Variants in LYPLAL1 observed in about 807,000 individuals in gnomAD.
LYPLAL1 encodes the protein lysophospholipase like 1, also known as lysophospholipase-like protein 1.
In LYPLAL1, 23 loss-of-function variants were observed where a neutral mutation model predicts 19.7. The observed-to-expected ratio is 1.17, with a 90% confidence interval of 0.84 to 1.65. The LOEUF is 1.65. Ranked by LOEUF, LYPLAL1 falls within the 40% of genes most tolerant of loss-of-function variation. LYPLAL1 has a pLI of 0.00. For missense variants in LYPLAL1, 355 were observed against 279.4 expected, an observed-to-expected ratio of 1.27 and a Z score of -1.93; for synonymous variants, 119 against 96.3, an observed-to-expected ratio of 1.24 and a Z score of -1.38.
chr1:219,193,059 G>GC (rs780717166), intron 2 of LYPLAL1, 23 bp from the exon 3 acceptor site: 28 of 1,328,358 alleles, frequency 2.1e-5, no homozygotes, highest in African/African-American at 1.7e-4. Context: ...CTTTTTTTTT[G>GC]GGGGGGGGCG....
chr1:219,187,864 T>C (rs1043112347), intron 2 of LYPLAL1, among the ~76,000 whole-genome samples: 1 of 151,808 alleles, frequency 6.6e-6, no homozygotes, highest in Non-Finnish European at 1.5e-5. Context: ...TAAAAACAGC[T>C]ATTTTGAAGA....
At chr1:219,250,930 T>A in the LYPLAL1 span, among the ~76,000 whole-genome samples, 2 of 152,034 alleles carry the variant, frequency 1.3e-5, no homozygotes, top group Non-Finnish European at 1.5e-5. Flanking sequence ...CAACAGTGTA[T>A]AAGTGTTGCC....
intron 3 of LYPLAL1, among the ~76,000 whole-genome samples, chr1:219,196,640 T>A (rs746135113): frequency 6.6e-6 from 1 of 152,176 alleles, no homozygotes; most frequent in South Asian, 2.1e-4. Context: ...TTGGGAGTTC[T>A]GGCTGGGGCA....
chr1:219,193,717 C>G (rs183296151), intron 3 of LYPLAL1, among the ~76,000 whole-genome samples: 3 of 151,866 alleles, frequency 2.0e-5, no homozygotes, highest in Admixed American at 6.6e-5. Flanking sequence ...AGCCCTGTTC[C>G]TAAGGGAATA....
intron 3 of LYPLAL1, among the ~76,000 whole-genome samples, chr1:219,209,734 G>A (rs913067771): frequency 7.2e-5 from 11 of 151,934 alleles, no homozygotes; most frequent in African/African-American, 9.7e-5. Context: ...CTGACTTGTC[G>A]TCAGGCCTGG....
At chr1:219,415,038 T>A in the LYPLAL1 span, among the ~76,000 whole-genome samples, 1 of 152,148 alleles carries the variant, frequency 6.6e-6, no homozygotes, top group Non-Finnish European at 1.5e-5. Context: ...AATGGAAAGA[T>A]GTCCAAAGTA....
At chr1:219,214,085 T>G (rs1158435650), downstream of LYPLAL1, among the ~76,000 whole-genome samples, 1 of 152,134 alleles carries the variant, frequency 6.6e-6, no homozygotes, top group African/African-American at 2.4e-5. Flanking sequence ...TTTCTGAGAG[T>G]TATTACGATG....
At chr1:219,188,857 G>A (rs567347228) in intron 2 of LYPLAL1, among the ~76,000 whole-genome samples, 11 of 151,768 alleles carry the variant, frequency 7.2e-5, no homozygotes, top group African/African-American at 2.7e-4. Context: ...TTTATTTGAG[G>A]AAGAAGGTGA....
At chr1:219,210,262 C>T (rs1206231344) in intron 3 of LYPLAL1, 12 of 195,816 alleles carry the variant, frequency 6.1e-5, no homozygotes, top group East Asian at 2.4e-4. Context: ...TTTTGAATTA[C>T]GATAGATATT....
At chr1:219,270,030 C>T in the LYPLAL1 span, among the ~76,000 whole-genome samples, 1 of 152,200 alleles carries the variant, frequency 6.6e-6, no homozygotes, top group Non-Finnish European at 1.5e-5. Context: ...TTCTCTAAAT[C>T]TCAAGCTTAG....
chr1:219,382,082 A>G, the LYPLAL1 span, among the ~76,000 whole-genome samples: 1 of 152,192 alleles, frequency 6.6e-6, no homozygotes, highest in Non-Finnish European at 1.5e-5. Flanking sequence ...CCTATTGTCC[A>G]GGGTGTGTTG....
chr1:219,317,339 C>T, the LYPLAL1 span, among the ~76,000 whole-genome samples: 9 of 152,138 alleles, frequency 5.9e-5, no homozygotes, highest in Non-Finnish European at 1.3e-4. Context: ...ATATTCCATT[C>T]ACAGGAACTA....
chr1:219,337,239 A>T, the LYPLAL1 span, among the ~76,000 whole-genome samples: 1 of 152,024 alleles, frequency 6.6e-6, no homozygotes. Context: ...CCTTTTACAT[A>T]CAAGATAACT....
At chr1:219,232,711 C>A in the LYPLAL1 span, among the ~76,000 whole-genome samples, 13 of 152,092 alleles carry the variant, frequency 8.5e-5, no homozygotes, top group African/African-American at 2.9e-4. Flanking sequence ...CCCAGTTAAA[C>A]AATTGGCAAA....
At chr1:219,429,896 A>C in the LYPLAL1 span, among the ~76,000 whole-genome samples, 1 of 152,176 alleles carries the variant, frequency 6.6e-6, no homozygotes, top group Non-Finnish European at 1.5e-5. Context: ...TGCACTTGGA[A>C]GCACAGATCC....
At chr1:219,178,507 C>T (rs1433533760) in intron 1 of LYPLAL1, among the ~76,000 whole-genome samples, 2 of 152,156 alleles carry the variant, frequency 1.3e-5, no homozygotes, top group African/African-American at 4.8e-5. Flanking sequence ...CTCAGGACTC[C>T]ATAAGATGGA....
At chr1:219,425,819 C>A in the LYPLAL1 span, among the ~76,000 whole-genome samples, 1 of 152,090 alleles carries the variant, frequency 6.6e-6, no homozygotes, top group Non-Finnish European at 1.5e-5. Flanking sequence ...TATGTCATTA[C>A]GCTTGAGCTA....
the LYPLAL1 span, among the ~76,000 whole-genome samples, chr1:219,427,162 A>C: frequency 6.6e-6 from 1 of 152,204 alleles, no homozygotes; most frequent in Non-Finnish European, 1.5e-5. Flanking sequence ...TTAGTAAAAA[A>C]TCTTCATCAA....
chr1:219,323,381 T>C, the LYPLAL1 span, among the ~76,000 whole-genome samples: 1 of 152,192 alleles, frequency 6.6e-6, no homozygotes, highest in Non-Finnish European at 1.5e-5. Context: ...AGTCTCATTA[T>C]GTGGCCTTCA....
Sources: allele counts gnomAD v4.1 joint callset (sites outside exome capture counted in the v4.1 genomes callset), GRCh38; gene constraint gnomAD v4.1.1; transcripts MANE v1.5; gene names NCBI Gene and HGNC (gene_info 2026-07-23, HGNC 2026-07-21).